PDE4D: variants seen among roughly 807,000 people sequenced by gnomAD.
The protein encoded by PDE4D is phosphodiesterase 4D.
PDE4D carries 24 observed loss-of-function variants against 87.4 expected under a neutral mutation model. That is an observed-to-expected ratio of 0.27 (90% CI 0.20 to 0.39). The LOEUF is 0.39. Ranked by LOEUF, PDE4D falls within the 10% of genes least tolerant of loss-of-function variation. PDE4D has a pLI of 1.00. For missense variants in PDE4D, 714 were observed against 1,041.0 expected (o/e 0.69, Z 4.32); for synonymous variants, 384 against 383.2 (o/e 1.00, Z -0.02).
At chr5:59,266,321 T>A (rs368868910) in intron 1 of PDE4D, among the ~76,000 whole-genome samples, 1 of 151,876 alleles carries the variant, frequency 6.6e-6, no homozygotes, top group Non-Finnish European at 1.5e-5. Flanking sequence ...CACTTAAGCA[T>A]TGACATTGTT....
In PDE4D at chr5:59,248,113, T is replaced by C. The variant is rs550795059; in HGVS notation, c.456-32145A>G. Among the ~76,000 whole-genome samples the C allele has an allele frequency of 3.4e-5, 5 of 147,818 alleles. No homozygotes were observed. In the Admixed American group the frequency reaches 3.5e-4, roughly 10 times the overall value. The stretch of plus-strand genomic sequence containing the variant: ...ACGTATATTTATTTTCAATAAGTTA[T>C]GTTCTTGCACTATTATGTCAAAATA... On this transcript the variant is annotated intron_variant, in intron 1 of 14. Transcript: ENST00000340635.
intron 1 of PDE4D, among the ~76,000 whole-genome samples, chr5:60,480,272 A>T (rs1034220879): frequency 1.3e-5 from 2 of 152,202 alleles, no homozygotes; most frequent in South Asian, 2.1e-4. Flanking sequence ...CTATCTAGAA[A>T]ATATATTTTG....
At chr5:60,386,901 G>A (rs1241046173) in intron 1 of PDE4D, among the ~76,000 whole-genome samples, 1 of 152,154 alleles carries the variant, frequency 6.6e-6, no homozygotes, top group African/African-American at 2.4e-5. Flanking sequence ...GTGATTTTGT[G>A]ATGCATTGAT....
At chr5:60,495,997 T>G (rs1013430068) in intron 1 of PDE4D, among the ~76,000 whole-genome samples, 1 of 152,228 alleles carries the variant, frequency 6.6e-6, no homozygotes, top group African/African-American at 2.4e-5. Context: ...TCAGAATGGC[T>G]GAGTCCACCA....
chr5:59,391,682 T>C (rs546558121), intron 1 of PDE4D, among the ~76,000 whole-genome samples: 2 of 152,132 alleles, frequency 1.3e-5, no homozygotes, highest in Admixed American at 6.5e-5. Flanking sequence ...TCCAACTTTT[T>C]CCCTTATTCT....
At chr5:60,346,202 T>A (rs1245271429) in intron 1 of PDE4D, among the ~76,000 whole-genome samples, 1 of 152,096 alleles carries the variant, frequency 6.6e-6, no homozygotes, top group Non-Finnish European at 1.5e-5. Context: ...GATGAATAAG[T>A]TTTTCGTTTA....
intron 6 of PDE4D, among the ~76,000 whole-genome samples, chr5:59,031,563 T>TG (rs1757512957): frequency 6.8e-6 from 1 of 146,604 alleles, no homozygotes; most frequent in African/African-American, 2.5e-5. Context: ...AAAAAATTAG[T>TG]GGGGCGTGGT....
chr5:60,500,004 G>A (rs1360130201), intron 1 of PDE4D, among the ~76,000 whole-genome samples: 1 of 151,936 alleles, frequency 6.6e-6, no homozygotes, highest in Admixed American at 6.6e-5. Flanking sequence ...CTCCAAATAT[G>A]ATCAAAAAGA....
In PDE4D at chr5:60,335,481, A is replaced by C. The variant is rs141805146; in HGVS notation, c.-89-149794T>G. 7.2e-4 allele frequency among the ~76,000 whole-genome samples: 109 copies of C among 152,314 alleles called. 1 individual carries two copies. In the East Asian group the frequency reaches 0.018, roughly 25 times the overall value. On this transcript the variant is annotated intron_variant, in intron 1 of 16. Transcript: ENST00000502484. Reference sequence around the variant, plus strand: ...AATGGCTCTTGGGTCCTTGAGAAAGACACTCTTGAGCAGTAGGAAGTGCAT... The same window carrying C: ...AATGGCTCTTGGGTCCTTGAGAAAGCCACTCTTGAGCAGTAGGAAGTGCAT...
intron 1 of PDE4D, among the ~76,000 whole-genome samples, chr5:59,250,333 A>T (rs925898419): frequency 2.0e-5 from 3 of 151,356 alleles, no homozygotes; most frequent in Non-Finnish European, 4.4e-5. Context: ...AACAAAAAAA[A>T]TTAAAAAAAA....
chr5:59,765,879 C>G (rs1030879728), intron 1 of PDE4D, among the ~76,000 whole-genome samples: 5 of 152,248 alleles, frequency 3.3e-5, no homozygotes, highest in African/African-American at 7.2e-5. Flanking sequence ...ATTTATTCTA[C>G]CATGGTATAA....
At chr5:59,029,383 C>T (rs565508577) in intron 6 of PDE4D, among the ~76,000 whole-genome samples, 2 of 132,540 alleles carry the variant, frequency 1.5e-5, no homozygotes, top group African/African-American at 2.8e-5. Context: ...CGCCACTGCA[C>T]TCTAGCCTGG....
chr5:60,138,056 G>C (rs377043260), intron 2 of PDE4D, among the ~76,000 whole-genome samples: 1 of 152,018 alleles, frequency 6.6e-6, no homozygotes, highest in African/African-American at 2.4e-5. Flanking sequence ...TTTCCCCATT[G>C]CTTGTTTTTA....
At chr5:59,700,489 AAAT>A (rs1752407942) in intron 1 of PDE4D, among the ~76,000 whole-genome samples, 2 of 152,214 alleles carry the variant, frequency 1.3e-5, no homozygotes. Flanking sequence ...TGAATACCAA[AAAT>A]AATATGGGAG....
chr5:60,081,869 G>C (rs1178864753), intron 2 of PDE4D, among the ~76,000 whole-genome samples: 2 of 152,178 alleles, frequency 1.3e-5, no homozygotes, highest in African/African-American at 4.8e-5. Context: ...GCACAGGAAA[G>C]TGACTAACAA....
chr5:59,627,077 G>C (rs1224507784), intron 1 of PDE4D, among the ~76,000 whole-genome samples: 1 of 152,054 alleles, frequency 6.6e-6, no homozygotes, highest in African/African-American at 2.4e-5. Flanking sequence ...CCTAATGAAG[G>C]GTCTACTCTA....
intron 1 of PDE4D, among the ~76,000 whole-genome samples, chr5:59,491,173 A>C (rs957528137): frequency 6.6e-6 from 1 of 152,212 alleles, no homozygotes; most frequent in South Asian, 2.1e-4. Context: ...TGCCCTGTGC[A>C]CTTTTCTCTA....
intron 1 of PDE4D, among the ~76,000 whole-genome samples, chr5:60,331,728 A>T (rs4394088): frequency 6.6e-6 from 1 of 152,050 alleles, no homozygotes; most frequent in Non-Finnish European, 1.5e-5. Context: ...TCTGAAATGC[A>T]GGGCTGGGCA....
chr5:59,716,962 T>C (rs951059944), intron 1 of PDE4D, among the ~76,000 whole-genome samples: 17 of 152,318 alleles, frequency 1.1e-4, no homozygotes, highest in African/African-American at 3.8e-4. Flanking sequence ...TTCTGAAAGA[T>C]TGTCATGGAT....
Sources: allele counts gnomAD v4.1 joint callset (sites outside exome capture counted in the v4.1 genomes callset), GRCh38; gene constraint gnomAD v4.1.1; transcripts MANE v1.5; gene names NCBI Gene and HGNC (gene_info 2026-07-23, HGNC 2026-07-21).